Variants in TENM2 observed in about 807,000 individuals in gnomAD.
TENM2 encodes teneurin transmembrane protein 2.
TENM2 carries 52 observed loss-of-function variants against 245.2 expected under a neutral mutation model. That is an observed-to-expected ratio of 0.21 (90% confidence interval 0.17 to 0.27). TENM2 has a LOEUF of 0.27. TENM2 is among the 10% of genes least tolerant of loss of function. The probability of loss-of-function intolerance (pLI) is 1.00; values close to 1 mark genes in which losing one functional copy is unlikely to be tolerated. For missense variants in TENM2, 3,046 were observed against 3,666.8 expected (o/e 0.83, Z 4.37); for synonymous variants, 1,363 against 1,438.9 (o/e 0.95, Z 1.19).
At chr5:167,060,642 C>A in the TENM2 span, among the ~76,000 whole-genome samples, 3 of 131,958 alleles carry the variant, frequency 2.3e-5, no homozygotes, top group South Asian at 2.4e-4. Context: ...CAGGGCAAGA[C>A]CTTCTCTCAA....
At chr5:167,395,128 T>G (rs577674956) in intron 2 of TENM2, among the ~76,000 whole-genome samples, 1 of 152,178 alleles carries the variant, frequency 6.6e-6, no homozygotes, top group Non-Finnish European at 1.5e-5. Context: ...TCCATGGACA[T>G]GGGATGCCTT....
intron 2 of TENM2, among the ~76,000 whole-genome samples, chr5:167,807,012 G>A (rs1766228050): frequency 6.6e-6 from 1 of 151,238 alleles, no homozygotes; most frequent in East Asian, 2.0e-4. Context: ...TACCCTTGTG[G>A]CTGACCATTA....
chr5:167,557,119 A>G (rs958275556), intron 2 of TENM2, among the ~76,000 whole-genome samples: 2 of 152,370 alleles, frequency 1.3e-5, no homozygotes, highest in East Asian at 1.9e-4. Context: ...GCGTGTACAC[A>G]GACCATTGGC....
intron 16 of TENM2, 140 bp downstream of exon 18, chr5:168,199,254 C>T: frequency 2.2e-6 from 2 of 918,846 alleles, no homozygotes; most frequent in Middle Eastern, 3.4e-4. Context: ...TTTATAGCCA[C>T]CAGAGATGAA....
intron 2 of TENM2, among the ~76,000 whole-genome samples, chr5:167,852,047 T>C (rs1161843507): frequency 6.6e-6 from 1 of 152,220 alleles, no homozygotes; most frequent in African/African-American, 2.4e-5. Flanking sequence ...AGAGAACCAG[T>C]AGCAGAGGAT....
chr5:168,205,330 A>T (rs1562279662), intron 19 of TENM2, among the ~76,000 whole-genome samples: 3 of 151,868 alleles, frequency 2.0e-5, no homozygotes, highest in Admixed American at 1.3e-4. Flanking sequence ...AAAAAAAAAA[A>T]GTGGGGTCAA....
At chr5:167,910,723 C>T (rs184801575) in intron 3 of TENM2, among the ~76,000 whole-genome samples, 6 of 152,170 alleles carry the variant, frequency 3.9e-5, no homozygotes, top group Non-Finnish European at 5.9e-5. Flanking sequence ...CGCTTTTTTG[C>T]GTTCTTTGTC....
intron 27 of TENM2, among the ~76,000 whole-genome samples, chr5:168,258,732 A>C (rs1767915212): frequency 6.6e-6 from 1 of 152,208 alleles, no homozygotes; most frequent in South Asian, 2.1e-4. Context: ...GGTAATGCAG[A>C]GTGACTACTA....
chr5:167,027,365 G>A, the TENM2 span, among the ~76,000 whole-genome samples: 108 of 152,216 alleles, frequency 7.1e-4, no homozygotes, highest in East Asian at 0.02. Context: ...AGCCCAGTTC[G>A]CCCAGCTAGA....
chr5:167,560,587 T>A (rs1773522010), intron 2 of TENM2, among the ~76,000 whole-genome samples: 1 of 152,170 alleles, frequency 6.6e-6, no homozygotes, highest in African/African-American at 2.4e-5. Flanking sequence ...ATTATTTGTC[T>A]CCTCTAAGCC....
At chr5:167,486,781 G>A (rs1167911518) in intron 2 of TENM2, among the ~76,000 whole-genome samples, 2 of 152,082 alleles carry the variant, frequency 1.3e-5, no homozygotes, top group Non-Finnish European at 2.9e-5. Flanking sequence ...TGTACAGATT[G>A]GAGGTGACAA....
intron 12 of TENM2, among the ~76,000 whole-genome samples, chr5:168,145,531 T>C (rs1472008642): frequency 7.1e-6 from 1 of 139,954 alleles, no homozygotes; most frequent in Non-Finnish European, 1.6e-5. Context: ...TTCTGTTCCA[T>C]TGATCTATAT....
intron 3 of TENM2, among the ~76,000 whole-genome samples, chr5:167,923,234 G>A (rs184438666): frequency 4.6e-4 from 70 of 152,122 alleles, no homozygotes; most frequent in Admixed American, 2.2e-3. Flanking sequence ...CAAGAGGATC[G>A]CTTGAACCCG....
intron 2 of TENM2, among the ~76,000 whole-genome samples, chr5:167,412,287 T>G (rs1456675346): frequency 6.7e-6 from 1 of 148,272 alleles, no homozygotes; most frequent in African/African-American, 2.4e-5. Flanking sequence ...AGCAGCAGCA[T>G]TATAGCCTGA....
chr5:167,319,201 T>C (rs1179645136), intron 1 of TENM2, among the ~76,000 whole-genome samples: 2 of 152,228 alleles, frequency 1.3e-5, no homozygotes, highest in East Asian at 1.9e-4. Flanking sequence ...CTGTAGAATA[T>C]ACTGCATGTA....
intron 12 of TENM2, among the ~76,000 whole-genome samples, chr5:168,138,830 T>A (rs1476727842): frequency 6.6e-6 from 1 of 152,230 alleles, no homozygotes; most frequent in Non-Finnish European, 1.5e-5. Context: ...ATTCATTGAG[T>A]GCCTAACATG....
chr5:167,256,382 G>T, the TENM2 span, among the ~76,000 whole-genome samples: 3 of 152,114 alleles, frequency 2.0e-5, no homozygotes, highest in Non-Finnish European at 4.4e-5. Flanking sequence ...GCTTTGTCGT[G>T]AATCCAAAGC....
At chr5:167,192,818 C>T in the TENM2 span, among the ~76,000 whole-genome samples, 1 of 152,022 alleles carries the variant, frequency 6.6e-6, no homozygotes, top group Non-Finnish European at 1.5e-5. Flanking sequence ...TGTAAGCACG[C>T]AACTTCACTT....
At chr5:167,493,746 G>A (rs1210934195) in intron 2 of TENM2, among the ~76,000 whole-genome samples, 2 of 152,020 alleles carry the variant, frequency 1.3e-5, no homozygotes, top group African/African-American at 2.4e-5. Context: ...CGTTTCTGTA[G>A]GGGTCCACTC....
Sources: allele counts gnomAD v4.1 joint callset (sites outside exome capture counted in the v4.1 genomes callset), GRCh38; gene constraint gnomAD v4.1.1; transcripts MANE v1.5; gene names NCBI Gene and HGNC (gene_info 2026-07-23, HGNC 2026-07-21).